The following RBFOX3 variants were observed in gnomAD, a reference collection of about 807,000 sequenced individuals.
The protein encoded by RBFOX3 is RNA binding protein fox-1 homolog 3.
A neutral mutation model predicts 48.7 loss-of-function variants in RBFOX3; 17 were observed. The observed-to-expected ratio is 0.35, with a 90% CI of 0.24 to 0.52. The LOEUF is 0.52. RBFOX3 is among the 20% of genes least tolerant of loss of function. RBFOX3 has a pLI of 0.94. For missense variants in RBFOX3, 382 were observed against 497.5 expected (o/e 0.77, Z 2.21); for synonymous variants, 212 against 209.5 (o/e 1.01, Z -0.10).
the RBFOX3 span, among the ~76,000 whole-genome samples, chr17:79,651,341 CAG>C: frequency 1.3e-5 from 2 of 152,168 alleles, no homozygotes; most frequent in Non-Finnish European, 2.9e-5. Flanking sequence ...CAGACAGCGC[CAG>C]AGAGTTGAGA....
At chr17:79,091,637 G>C (rs1335448073) in intron 14 of RBFOX3, among the ~76,000 whole-genome samples, 1 of 152,222 alleles carries the variant, frequency 6.6e-6, no homozygotes, top group Admixed American at 6.5e-5. Context: ...GGGAGGGCCT[G>C]AGCAAGGGTG....
chr17:79,165,102 G>A (rs933272091), intron 4 of RBFOX3, among the ~76,000 whole-genome samples: 2 of 152,174 alleles, frequency 1.3e-5, no homozygotes, highest in Non-Finnish European at 2.9e-5. Flanking sequence ...GGGGAGGCAT[G>A]GGGAGCAGCC....
intron 4 of RBFOX3, among the ~76,000 whole-genome samples, chr17:79,169,427 C>A (rs1002773446): frequency 6.6e-5 from 10 of 152,108 alleles, no homozygotes; most frequent in African/African-American, 2.4e-4. Context: ...CAGGACAGGC[C>A]CTCAAACTGC....
chr17:79,425,426 C>T (rs2067185287), intron 2 of RBFOX3, among the ~76,000 whole-genome samples: 1 of 152,208 alleles, frequency 6.6e-6, no homozygotes, highest in Non-Finnish European at 1.5e-5. Context: ...CCCCAACTGC[C>T]TGCACTCCCC....
At chr17:79,241,611 G>C (rs1217006806) in intron 3 of RBFOX3, among the ~76,000 whole-genome samples, 1 of 152,174 alleles carries the variant, frequency 6.6e-6, no homozygotes, top group Non-Finnish European at 1.5e-5. Context: ...GAGGAAGCTT[G>C]ACTGTCTGAA....
At chr17:79,201,422 A>C (rs1303372317) in intron 4 of RBFOX3, among the ~76,000 whole-genome samples, 4 of 151,968 alleles carry the variant, frequency 2.6e-5, no homozygotes, top group Non-Finnish European at 5.9e-5. Context: ...ACCGAGAAGC[A>C]GGTGGCCTGC....
intron 2 of RBFOX3, among the ~76,000 whole-genome samples, chr17:79,340,809 C>T (rs1304955764): frequency 6.6e-6 from 1 of 152,156 alleles, no homozygotes; most frequent in Non-Finnish European, 1.5e-5. Context: ...GCAAATTCCT[C>T]AGAGTCAGCA....
intron 4 of RBFOX3, among the ~76,000 whole-genome samples, chr17:79,182,231 C>A (rs1449260654): frequency 6.6e-6 from 1 of 152,190 alleles, no homozygotes; most frequent in Non-Finnish European, 1.5e-5. Context: ...GAAGTGCTCA[C>A]AATCCCACCA....
intron 1 of RBFOX3, among the ~76,000 whole-genome samples, chr17:79,528,894 G>T (rs1337474065): frequency 1.3e-5 from 2 of 152,212 alleles, no homozygotes; most frequent in Non-Finnish European, 2.9e-5. Context: ...TTGTGACTGG[G>T]ACAGTGTCTG....
the RBFOX3 span, among the ~76,000 whole-genome samples, chr17:79,619,855 CA>C: frequency 2.0e-5 from 3 of 152,210 alleles, no homozygotes; most frequent in African/African-American, 7.2e-5. Context: ...TTTTCAACAG[CA>C]ACCAAATTCT....
intron 1 of RBFOX3, among the ~76,000 whole-genome samples, chr17:79,563,574 T>C (rs1420227307): frequency 1.3e-5 from 2 of 152,262 alleles, no homozygotes; most frequent in Non-Finnish European, 2.9e-5. Flanking sequence ...TTGCTAACAA[T>C]CTGGGAAAAG....
intron 3 of RBFOX3, among the ~76,000 whole-genome samples, chr17:79,304,506 TA>T (rs34644638): frequency 0.04 from 5,897 of 148,034 alleles, 234 homozygotes; most frequent in South Asian, 0.15. Flanking sequence ...TCTTATGTGT[TA>T]AAAAAAAAAC....
At chr17:79,399,121 G>A (rs59217964) in intron 2 of RBFOX3, among the ~76,000 whole-genome samples, 17,685 of 152,182 alleles carry the variant, frequency 0.12, 1,287 homozygotes, top group East Asian at 0.18. Flanking sequence ...CTAAGAAGCC[G>A]TGGGGAGGAT....
intron 1 of RBFOX3, among the ~76,000 whole-genome samples, chr17:79,485,586 G>A (rs900036034): frequency 3.1e-4 from 47 of 152,274 alleles, no homozygotes; most frequent in African/African-American, 1.1e-3. Flanking sequence ...GCTGAAGGCG[G>A]TGCCCCCAGC....
At chr17:79,335,476 G>A (rs574820809) in intron 2 of RBFOX3, among the ~76,000 whole-genome samples, 1 of 152,282 alleles carries the variant, frequency 6.6e-6, no homozygotes, top group Admixed American at 6.5e-5. Context: ...GTCTTACAGT[G>A]GAGGAGGCTG....
intron 1 of RBFOX3, among the ~76,000 whole-genome samples, chr17:79,486,752 G>C (rs1199700735): frequency 6.6e-6 from 1 of 152,184 alleles, no homozygotes; most frequent in Non-Finnish European, 1.5e-5. Context: ...AAAGGGTGAG[G>C]GCTGTGCCCT....
At chr17:79,376,565 G>A (rs953792098) in intron 2 of RBFOX3, among the ~76,000 whole-genome samples, 3 of 152,172 alleles carry the variant, frequency 2.0e-5, no homozygotes, top group Admixed American at 6.5e-5. Context: ...ATATTCCACC[G>A]TGAGCAAATT....
At chr17:79,399,470 G>A (rs537392488) in intron 2 of RBFOX3, among the ~76,000 whole-genome samples, 2 of 151,756 alleles carry the variant, frequency 1.3e-5, no homozygotes, top group African/African-American at 4.8e-5. Flanking sequence ...CCATGTGGAG[G>A]GCAGGGATGG....
At chr17:79,567,180 C>CTTTT (rs1159762873) in intron 1 of RBFOX3, among the ~76,000 whole-genome samples, 312 of 91,994 alleles carry the variant, frequency 3.4e-3, no homozygotes, top group Non-Finnish European at 4.1e-3. Context: ...TTCTTTCTTT[C>CTTTT]TTTTTTTTTT....
Sources: gnomAD v4.1 joint callset for allele counts (sites outside exome capture counted in the v4.1 genomes callset) on GRCh38, gnomAD v4.1.1 for gene constraint, MANE v1.5 for transcripts, NCBI Gene and HGNC (gene_info 2026-07-23, HGNC 2026-07-21) for gene names.